CACNG3: variants seen among roughly 807,000 people sequenced by gnomAD.
CACNG3 encodes voltage-dependent calcium channel gamma-3 subunit.
In CACNG3, 3 loss-of-function variants were observed where a neutral mutation model predicts 28.5. The observed-to-expected ratio is 0.11, with a 90% CI of 0.05 to 0.27. The LOEUF (loss-of-function observed/expected upper bound fraction) is 0.27, where lower values mean the gene tolerates loss of function less well. Ranked by LOEUF, CACNG3 falls within the 10% of genes least tolerant of loss-of-function variation. CACNG3 has a pLI of 1.00. For synonymous variants in CACNG3, 174 were observed against 162.2 expected, an observed-to-expected ratio of 1.07 and a Z score of -0.55; for missense variants, 236 against 414.4, an observed-to-expected ratio of 0.57 and a Z score of 3.74.
chr16:24,339,000 C>T (rs1899746371), intron 1 of CACNG3, among the ~76,000 whole-genome samples: 1 of 152,166 alleles, frequency 6.6e-6, no homozygotes, highest in Admixed American at 6.5e-5. Context: ...TCTCATTAAC[C>T]TTCAGGTCTC....
chr16:24,353,120 T>G (rs1350193569), intron 2 of CACNG3, among the ~76,000 whole-genome samples: 3 of 152,090 alleles, frequency 2.0e-5, no homozygotes, highest in Non-Finnish European at 4.4e-5. Flanking sequence ...AGATTACAGG[T>G]GCCCTCCACC....
intron 1 of CACNG3, among the ~76,000 whole-genome samples, chr16:24,281,071 G>A (rs1266720085): frequency 6.6e-6 from 1 of 152,142 alleles, no homozygotes; most frequent in Non-Finnish European, 1.5e-5. Context: ...CAAGGACACT[G>A]TATCTCTCAC....
At chr16:24,334,632 G>T (rs901071574) in intron 1 of CACNG3, among the ~76,000 whole-genome samples, 1 of 152,182 alleles carries the variant, frequency 6.6e-6, no homozygotes, top group Non-Finnish European at 1.5e-5. Flanking sequence ...GGAAAGATTG[G>T]GCCTTGGATG....
intron 3 of CACNG3, among the ~76,000 whole-genome samples, chr16:24,360,763 A>G (rs1304319978): frequency 3.9e-5 from 6 of 152,098 alleles, no homozygotes; most frequent in East Asian, 3.9e-4. Flanking sequence ...GTCATTCTCA[A>G]TGCCTTCTCT....
At chr16:24,355,653 G>A (rs956167504) in intron 3 of CACNG3, among the ~76,000 whole-genome samples, 6 of 152,112 alleles carry the variant, frequency 3.9e-5, no homozygotes, top group African/African-American at 9.7e-5. Flanking sequence ...GTTAATATAC[G>A]ATCTCTGGCC....
At chr16:24,259,006 G>A (rs1469645307) in intron 1 of CACNG3, among the ~76,000 whole-genome samples, 1 of 152,200 alleles carries the variant, frequency 6.6e-6, no homozygotes, top group African/African-American at 2.4e-5. Flanking sequence ...CCCACAGTTT[G>A]TACAAGGAAT....
At chr16:24,265,172 A>G (rs1268228473) in intron 1 of CACNG3, among the ~76,000 whole-genome samples, 1 of 151,550 alleles carries the variant, frequency 6.6e-6, no homozygotes, top group Non-Finnish European at 1.5e-5. Context: ...AGCCCAGGAG[A>G]TTGTAGTTGC....
intron 2 of CACNG3, among the ~76,000 whole-genome samples, chr16:24,352,365 A>ACG (rs1222415925): frequency 6.6e-6 from 1 of 151,810 alleles, no homozygotes; most frequent in Admixed American, 6.6e-5. Flanking sequence ...CTAAGACCAA[A>ACG]CGCAACTCGC....
At chr16:24,275,528 G>A (rs954668382) in intron 1 of CACNG3, among the ~76,000 whole-genome samples, 4 of 152,230 alleles carry the variant, frequency 2.6e-5, no homozygotes, top group African/African-American at 7.2e-5. Flanking sequence ...ATGCGACTGA[G>A]TTGCGAGCTG....
At chr16:24,259,650 T>C (rs1898513038) in intron 1 of CACNG3, among the ~76,000 whole-genome samples, 2 of 152,190 alleles carry the variant, frequency 1.3e-5, no homozygotes, top group Non-Finnish European at 2.9e-5. Flanking sequence ...GACAGCTGTC[T>C]GCAAATATCT....
intron 1 of CACNG3, among the ~76,000 whole-genome samples, chr16:24,314,202 A>G (rs1899314939): frequency 6.6e-6 from 1 of 152,222 alleles, no homozygotes; most frequent in Non-Finnish European, 1.5e-5. Context: ...GGACCAGTAC[A>G]TAATTTATGG....
At chr16:24,348,043 G>C (rs768255984) in intron 2 of CACNG3, among the ~76,000 whole-genome samples, 1 of 152,130 alleles carries the variant, frequency 6.6e-6, no homozygotes, top group Non-Finnish European at 1.5e-5. Context: ...TCAAGGCACA[G>C]AGAGAACTTG....
intron 1 of CACNG3, among the ~76,000 whole-genome samples, chr16:24,341,452 T>A (rs1397278806): frequency 6.6e-6 from 1 of 152,222 alleles, no homozygotes; most frequent in African/African-American, 2.4e-5. Flanking sequence ...AGCTGTAATA[T>A]ACTGAGTTCC....
intron 1 of CACNG3, among the ~76,000 whole-genome samples, chr16:24,315,499 GCTTTCTTTCTTTCTTTTCCTT>G (rs1899337170): frequency 7.7e-6 from 1 of 129,318 alleles, no homozygotes. Context: ...TTCTTTTCCT[GCTTTCTTTCTTTCTTTTCCTT>G]CTTTCTTTCT....
At chr16:24,268,876 C>T (rs1898648058) in intron 1 of CACNG3, among the ~76,000 whole-genome samples, 1 of 152,190 alleles carries the variant, frequency 6.6e-6, no homozygotes, top group Non-Finnish European at 1.5e-5. Flanking sequence ...AACTCTGCGT[C>T]AGGCACGAGT....
At chr16:24,262,729 C>G (rs184220163) in intron 1 of CACNG3, among the ~76,000 whole-genome samples, 3 of 152,224 alleles carry the variant, frequency 2.0e-5, no homozygotes, top group East Asian at 3.8e-4. Context: ...AAACTTACTC[C>G]TCTTCTTTCT....
intron 1 of CACNG3, among the ~76,000 whole-genome samples, chr16:24,291,590 AG>A (rs1273302013): frequency 6.6e-6 from 1 of 152,144 alleles, no homozygotes; most frequent in Non-Finnish European, 1.5e-5. Flanking sequence ...TGTTGGTGGA[AG>A]GCAGTTATTG....
At chr16:24,356,195 C>T (rs984551805) in intron 3 of CACNG3, among the ~76,000 whole-genome samples, 4 of 152,012 alleles carry the variant, frequency 2.6e-5, no homozygotes, top group South Asian at 2.1e-4. Context: ...TGGGGGAAGA[C>T]GGGGCTGGAC....
At chr16:24,311,822 C>T (rs536703265) in intron 1 of CACNG3, among the ~76,000 whole-genome samples, 1 of 152,336 alleles carries the variant, frequency 6.6e-6, no homozygotes, top group Non-Finnish European at 1.5e-5. Flanking sequence ...TGCACTCCAG[C>T]CTGGGCGACA....
Sources: gnomAD v4.1 joint callset for allele counts (sites outside exome capture counted in the v4.1 genomes callset) on GRCh38, gnomAD v4.1.1 for gene constraint, MANE v1.5 for transcripts, NCBI Gene and HGNC (gene_info 2026-07-23, HGNC 2026-07-21) for gene names.